Variants in PRC1 observed in about 807,000 individuals in gnomAD.
PRC1 encodes anaphase spindle elongation 1 homolog.
PRC1 carries 54 observed loss-of-function variants against 91.2 expected under a neutral mutation model. The observed-to-expected ratio is 0.59, with a 90% CI of 0.48 to 0.74. The LOEUF (loss-of-function observed/expected upper bound fraction) is 0.74. PRC1 is among the 30% of genes least tolerant of loss of function. The pLI, the probability that PRC1 is intolerant of heterozygous loss-of-function variation, is 0.00. For synonymous variants in PRC1, 275 were observed against 263.6 expected (o/e 1.04, Z -0.42); for missense variants, 727 against 746.2 (o/e 0.97, Z 0.30).
At position 90,980,995 on chromosome 15, in the gene PRC1, C is replaced by T. The variant is rs1342566009; in HGVS notation, c.711G>A (p.Glu237=). 2 of 1,614,210 alleles carry T rather than the reference C, an allele frequency of 1.2e-6. No homozygotes were observed. Among genetic ancestry groups the T allele is most frequent in the Non-Finnish European group, 8.5e-7 (1 of 1,180,034 alleles). Residue 237 remains glutamate (E), a synonymous_variant, in exon 6 of 15, where the codon GAG becomes GAA. Coordinates refer to ENST00000394249, the MANE Select transcript of PRC1 (RefSeq NM_003981.4). ...GCTCTCGGATTTGAGTACGCAGCCC[C>T]TCACACACTGCTTCATTTTGTGATT... ...MQKSQNEAVC[E]GLRTQIRELW...
intron 4 of PRC1, 39 bp from the exon 5 acceptor site, chr15:90,981,708 C>A: frequency 6.2e-7 from 1 of 1,608,978 alleles, no homozygotes; most frequent in Non-Finnish European, 8.5e-7. Flanking sequence ...TAGAGGAAAA[C>A]CAAAGTGACT....
rs76867272 is a variant in PRC1 at position 90,981,195 on chromosome 15, C to G, written c.673-162G>C. On this transcript the variant is annotated intron_variant, in intron 5 of 14. Coordinates refer to ENST00000394249, the MANE Select transcript of PRC1 (RefSeq NM_003981.4). ...TCCTAAACACGAGCTGTAAGGCTGT[C>G]GGGATCTCAGACCCCAAGAATTAGC... 3.1e-6 allele frequency: 3 copies of G among 961,156 alleles called. No individual in the cohort carries two copies. The East Asian group carries it at 7.6e-5, about 24-fold the overall frequency. The allele number at this position is 961,156 out of a possible 1,614,324, so 59.5% of individuals were successfully genotyped here.
At chr15:90,990,317 C>CA (rs2151620410) in intron 1 of PRC1, among the ~76,000 whole-genome samples, 1 of 149,500 alleles carries the variant, frequency 6.7e-6, no homozygotes, top group South Asian at 2.1e-4. Context: ...GCCTGGGTGA[C>CA]AGAGTGAGAC....
chr15:90,976,502 C>T (rs1401774564), intron 9 of PRC1, among the ~76,000 whole-genome samples, 174 bp downstream of exon 9: 4 of 152,106 alleles, frequency 2.6e-5, no homozygotes, highest in Non-Finnish European at 5.9e-5. Flanking sequence ...TATGGCAGTC[C>T]TAGCAAACGA....
intron 14 of PRC1, 86 bp downstream of exon 14, chr15:90,968,993 T>A (rs1234614015): frequency 3.8e-6 from 6 of 1,599,658 alleles, no homozygotes; most frequent in Non-Finnish European, 5.1e-6. Context: ...AGATTATTAG[T>A]TAGTGTAGCC....
chr15:90,982,956 T>C (rs968842670), intron 3 of PRC1, among the ~76,000 whole-genome samples: 1 of 152,072 alleles, frequency 6.6e-6, no homozygotes, highest in Non-Finnish European at 1.5e-5. Context: ...TTATAGGACA[T>C]ATACATTTTT....
chr15:90,974,632 G>T lies in PRC1; in HGVS notation c.1303C>A (p.Gln435Lys), dbSNP rs779354443. 9 of 1,614,134 alleles carry T rather than the reference G, an allele frequency of 5.6e-6. No individual in the cohort carries two copies. Among genetic ancestry groups the T allele is most frequent in the Non-Finnish European group, 7.6e-6 (9 of 1,180,036 alleles). Residue 435 changes from glutamine to lysine, a missense_variant, in exon 10 of 15, where the codon CAA (glutamine) becomes AAA (lysine). Physicochemically the swap from Gln to Lys is moderately conservative, Grantham distance 53. Coordinates refer to ENST00000394249, the MANE Select transcript of PRC1 (RefSeq NM_003981.4). This position sits in a 1 kb window ranked among gnomAD's most constrained non-coding sequence, Gnocchi z 4.6. ...TTCTCCAATCGATGCATCTCCCATT[G>T]TTCTGCCACATACTCCATGAATTTC... ...GQKFMEYVAE[Q>K]WEMHRLEKER... is the part of the protein sequence containing the mutation.
chr15:90,974,581 T>G lies in PRC1; in HGVS notation c.1350+4A>C. 1.2e-6 allele frequency: 2 copies of G among 1,614,130 alleles called. No individual in the cohort carries two copies. Among genetic ancestry groups the G allele is most frequent in the Non-Finnish European group, 1.7e-6 (2 of 1,180,000 alleles). On this transcript the variant is annotated splice_donor_region_variant and intron_variant, in intron 10 of 14. Coordinates refer to ENST00000394249, the MANE Select transcript of PRC1 (RefSeq NM_003981.4). The surrounding 1 kb of genome is among the most constrained non-coding windows in gnomAD (Gnocchi z 4.6). ...TCCCAATTTGCGTTCACGTTCACACTTACTCTTTCCTGCTTGGCTCTCTCT... is the reference window on the plus strand; with the variant it reads ...TCCCAATTTGCGTTCACGTTCACACGTACTCTTTCCTGCTTGGCTCTCTCT...
Position 90,994,317 on chromosome 15 carries a change from C to T in PRC1, c.11+90G>A, listed in dbSNP as rs560308488. On this transcript the variant is annotated intron_variant, in intron 1 of 14. Coordinates refer to ENST00000394249, the MANE Select transcript of PRC1 (RefSeq NM_003981.4). ...GCCGTGACGATCTAGGCCCGGGACC[C>T]CGCACGGGTCCCGCACCCCTGAACA... The T allele has an allele frequency of 1.1e-3, 1,761 of 1,592,996 alleles. 2 individuals carry two copies. Among genetic ancestry groups the T allele is most frequent in the Admixed American group, 1.4e-3 (82 of 58,732 alleles).
chr15:90,966,412 C>A lies in PRC1; in HGVS notation c.*719G>T, dbSNP rs1264533383. ...GCTGGCAACTGCGGGGGTAGAAGAA[C>A]TCAGGCAAAGTAGGCACAGGAATGG... On this transcript the variant is annotated 3_prime_UTR_variant, in exon 15 of 15. Coordinates refer to ENST00000394249, the MANE Select transcript of PRC1 (RefSeq NM_003981.4). 1.5e-5 allele frequency: 5 copies of A among 344,788 alleles called. No individual in the cohort carries two copies. The highest frequency in any genetic ancestry group is 4.3e-5 in the African/African-American group (2 of 46,502). 21.4% of individuals were successfully genotyped at this position (344,788 alleles called of 1,614,324 possible).
rs953780108 is a variant in PRC1, at chr15:90,966,509, C to G, written c.*622G>C. ...GCATGTGTGTTCATACATGCATACC[C>G]CCAACAAAGGGCAATGCACTGTGTA... On this transcript the variant is annotated 3_prime_UTR_variant, in exon 15 of 15. Transcript: ENST00000394249. 4.4e-6 allele frequency: 2 copies of G among 451,922 alleles called. No homozygotes were observed. Among genetic ancestry groups the G allele is most frequent in the Non-Finnish European group, 4.5e-6 (1 of 223,922 alleles). 28.0% of individuals were successfully genotyped at this position (451,922 alleles called of 1,614,324 possible). A position where few individuals can be genotyped will look rare whatever the true frequency, so the allele number is the denominator to read the frequency against.
At chr15:90,975,377 C>A in intron 9 of PRC1, among the ~76,000 whole-genome samples, 1 of 152,112 alleles carries the variant, frequency 6.6e-6, no homozygotes, top group East Asian at 1.9e-4. Flanking sequence ...ACACCACGCC[C>A]GGCCAGATTT....
intron 9 of PRC1, among the ~76,000 whole-genome samples, 165 bp downstream of exon 9, chr15:90,976,511 G>A (rs1013323444): frequency 2.0e-5 from 3 of 152,060 alleles, no homozygotes; most frequent in Admixed American, 6.6e-5. Flanking sequence ...CCTAGCAAAC[G>A]AATACACCTT....
intron 5 of PRC1, 171 bp downstream of exon 5, chr15:90,981,328 T>G: frequency 2.5e-6 from 2 of 795,588 alleles, no homozygotes; most frequent in Non-Finnish European, 3.8e-6. Flanking sequence ...TAAAGGTTTT[T>G]TAACTGTTAA....
At chr15:90,969,705 G>T in intron 12 of PRC1, 82 bp from the exon 13 acceptor site, 2 of 1,195,112 alleles carry the variant, frequency 1.7e-6, no homozygotes, top group Non-Finnish European at 2.2e-6. Flanking sequence ...CTGGTCAAAG[G>T]CTGAGACTAT....
At chr15:90,988,385 T>G (rs2039732693) in intron 1 of PRC1, 1 of 152,136 alleles carries the variant, frequency 6.6e-6, no homozygotes, top group Non-Finnish European at 1.5e-5. Flanking sequence ...CCAGCCAATC[T>G]CCACATAACA....
At chr15:90,977,596 T>TC in intron 8 of PRC1, among the ~76,000 whole-genome samples, 1 of 146,692 alleles carries the variant, frequency 6.8e-6, no homozygotes, top group Non-Finnish European at 1.5e-5. Context: ...TTTTTTTTTT[T>TC]TTTCTGAGAC....
rs1181437398 is a variant in PRC1, at chr15:90,984,774, G to A, written c.63C>T (p.His21=). 2 of 1,614,092 alleles carry A rather than the reference G, an allele frequency of 1.2e-6. No individual in the cohort carries two copies. Among genetic ancestry groups the A allele is most frequent in the Admixed American group, 3.3e-5 (2 of 60,028 alleles). Residue 21 remains histidine, a synonymous_variant, in exon 2 of 15, where the codon CAC becomes CAT. Transcript: ENST00000394249. The surrounding 1 kb of genome is among the most constrained non-coding windows in gnomAD (Gnocchi z 5.1). ...CAATTAGCTCCCATATTTCCCGAAG[G>A]TGATTTAGGGCTTTCTGCAGACATA... ...SIVCLQKALN[H]LREIWELIGI...
chr15:90,985,294 A>G (rs6496744), intron 1 of PRC1, among the ~76,000 whole-genome samples: 151,453 of 151,496 alleles, frequency 1, 75,705 homozygotes, highest in Middle Eastern at 1. Flanking sequence ...GCAGTGGTGC[A>G]ATTTTGGCTC....
Sources: gnomAD v4.1 joint callset for allele counts (sites outside exome capture counted in the v4.1 genomes callset) on GRCh38, gnomAD v4.1.1 for gene constraint, Gnocchi (gnomAD v3.1) non-coding constraint, MANE v1.5 for transcripts, NCBI Gene and HGNC (gene_info 2026-07-23, HGNC 2026-07-21) for gene names.